ZNF185: variants seen among roughly 807,000 people sequenced by gnomAD.
ZNF185 encodes zinc finger protein 185.
Under a neutral mutation model 58.6 loss-of-function variants are expected in ZNF185, and 56 were observed. The observed-to-expected ratio is 0.95, with a 90% CI of 0.77 to 1.19. ZNF185 has a LOEUF of 1.19. Ranked by LOEUF, ZNF185 falls within the 50% of genes most tolerant of loss-of-function variation. The pLI is 0.00. For missense variants in ZNF185, 627 were observed against 573.5 expected, an observed-to-expected ratio of 1.09 and a Z score of -0.95; for synonymous variants, 230 against 215.9, an observed-to-expected ratio of 1.07 and a Z score of -0.57.
At chrX:152,942,710 TTCTCG>T (rs2047361040) in intron 15 of ZNF185, among the ~76,000 whole-genome samples, 1 of 111,956 alleles carries the variant, frequency 8.9e-6, no homozygotes, top group African/African-American at 3.3e-5. Flanking sequence ...AAGCATGGGC[TTCTCG>T]TTTATATTTT....
chrX:152,918,267 C>T, intron 6 of ZNF185, 113 bp downstream of exon 7: 1 of 902,826 alleles, frequency 1.1e-6, no homozygotes. Flanking sequence ...CCGGGAAGTC[C>T]CGCCTGCCTG....
intron 2 of ZNF185, 62 bp downstream of exon 3, chrX:152,914,895 G>C: frequency 8.8e-7 from 1 of 1,132,568 alleles, no homozygotes; most frequent in Non-Finnish European, 1.2e-6. Flanking sequence ...GTGGGGGACC[G>C]ACCATACCTG....
At chrX:152,945,166 C>A in intron 15 of ZNF185, 101 bp from the exon 18 acceptor site, 1 of 915,390 alleles carries the variant, frequency 1.1e-6, no homozygotes, top group Non-Finnish European at 1.5e-6. Context: ...GGATATGAGT[C>A]CCTCCAAGTC....
At chrX:152,920,433 C>T in intron 8 of ZNF185, 22 bp downstream of exon 9, 1 of 1,199,026 alleles carries the variant, frequency 8.3e-7, no homozygotes. Flanking sequence ...CCAACTGGCT[C>T]CAGGCTCTAG....
rs1484067793 is a variant in ZNF185 at position 152,963,947 on chromosome X, C to T, written c.1716C>T (p.Thr572=). Residue 572 remains threonine (T), a splice_region_variant and synonymous_variant, in exon 18 of 23, where the codon ACC becomes ACT. Transcript: ENST00000449285. ...CAAGTGAATTGGACTCCAGCTCTAC[C>T]ACGTAAGAAGGGCTATCTAGCAACC... 1 of 1,207,305 alleles carries T rather than the reference C, an allele frequency of 8.3e-7. No homozygotes were observed. Among genetic ancestry groups the T allele is most frequent in the Admixed American group, 2.2e-5 (1 of 45,842 alleles).
At chrX:152,916,524 C>T (rs113528928) in intron 3 of ZNF185, among the ~76,000 whole-genome samples, 6,165 of 111,779 alleles carry the variant, frequency 0.055, 241 homozygotes, top group South Asian at 0.14. Context: ...AAGGCCTGGC[C>T]GCGCCCTCTC....
At chrX:152,950,653 G>A (rs138438469) in intron 16 of ZNF185, among the ~76,000 whole-genome samples, 88 of 110,965 alleles carry the variant, frequency 7.9e-4, no homozygotes, top group African/African-American at 2.9e-3. Context: ...CACCTTTCTT[G>A]TTACAAGGTG....
At chrX:152,930,287 G>A (rs1464927539) in intron 12 of ZNF185, among the ~76,000 whole-genome samples, 2 of 112,249 alleles carry the variant, frequency 1.8e-5, no homozygotes, top group Non-Finnish European at 3.8e-5. Flanking sequence ...TTATTCGTAG[G>A]CATTGAAGTC....
chrX:152,958,389 A>T (rs1179305739), intron 16 of ZNF185, among the ~76,000 whole-genome samples: 1 of 111,522 alleles, frequency 9.0e-6, no homozygotes, highest in Non-Finnish European at 1.9e-5. Flanking sequence ...GAACTGCAGC[A>T]GGAACAAGGA....
chrX:152,900,441 G>A, the ZNF185 span, among the ~76,000 whole-genome samples: 1 of 113,107 alleles, frequency 8.8e-6, no homozygotes, highest in East Asian at 2.8e-4. Context: ...CTTTCCTTCT[G>A]TTGCTGAGCC....
At chrX:152,944,403 G>A (rs1335187759) in intron 15 of ZNF185, among the ~76,000 whole-genome samples, 1 of 112,556 alleles carries the variant, frequency 8.9e-6, no homozygotes, top group Non-Finnish European at 1.9e-5. Flanking sequence ...AGCTAGGATC[G>A]AGGTGATGGC....
At chrX:152,921,711 G>A (rs1470818589) in intron 9 of ZNF185, among the ~76,000 whole-genome samples, 1 of 111,189 alleles carries the variant, frequency 9.0e-6, no homozygotes, top group Non-Finnish European at 1.9e-5. Flanking sequence ...AACCATCCCA[G>A]GCCACTCTCC....
chrX:152,911,928 C>T (rs1173529118), upstream of ZNF185, among the ~76,000 whole-genome samples: 1 of 93,753 alleles, frequency 1.1e-5, no homozygotes, highest in African/African-American at 4.1e-5. Flanking sequence ...CTGATCCGTC[C>T]ATCCCATCCC....
intron 16 of ZNF185, among the ~76,000 whole-genome samples, chrX:152,949,269 C>G (rs1556897830): frequency 8.9e-6 from 1 of 112,576 alleles, no homozygotes; most frequent in Admixed American, 9.3e-5. Flanking sequence ...CTCTGGCTTT[C>G]AGGTGGAGGC....
exon 2 of ZNF185, chrX:152,914,730 G>A: frequency 2.5e-6 from 3 of 1,198,887 alleles, no homozygotes; most frequent in Non-Finnish European, 1.1e-6. Flanking sequence ...GCCACCAGGC[G>A]AGGAGGAGCG....
chrX:152,926,654 T>C (rs1178084498), intron 11 of ZNF185, among the ~76,000 whole-genome samples: 1 of 112,163 alleles, frequency 8.9e-6, no homozygotes, highest in Non-Finnish European at 1.9e-5. Context: ...CCTTCCAGCG[T>C]GGTCCTGGAC....
upstream of ZNF185, among the ~76,000 whole-genome samples, chrX:152,911,609 C>T (rs1175463685): frequency 2.0e-5 from 1 of 49,651 alleles, no homozygotes; most frequent in East Asian, 7.1e-4. Flanking sequence ...TTGCCCACCC[C>T]ACCCACCCCA....
intron 17 of ZNF185, among the ~76,000 whole-genome samples, chrX:152,961,624 C>T (rs1158174892): frequency 8.9e-6 from 1 of 112,214 alleles, no homozygotes; most frequent in African/African-American, 3.2e-5. Flanking sequence ...CAGCCATGTA[C>T]ACAGTGAACA....
chrX:152,958,731 CA>C (rs782229640), intron 16 of ZNF185, among the ~76,000 whole-genome samples: 857 of 84,192 alleles, frequency 0.01, 6 homozygotes, highest in African/African-American at 0.033. Context: ...AACTCCGTCT[CA>C]AAAAAAAAAA....
Sources: allele counts gnomAD v4.1 joint callset (sites outside exome capture counted in the v4.1 genomes callset), GRCh38; gene constraint gnomAD v4.1.1; transcripts MANE v1.5; gene names NCBI Gene and HGNC (gene_info 2026-07-23, HGNC 2026-07-21).